Variants in TRPC7 observed in about 807,000 individuals in gnomAD.
The protein encoded by TRPC7 is transient receptor potential cation channel subfamily C member 7, also known as short transient receptor potential channel 7.
Under a neutral mutation model 90.1 loss-of-function variants are expected in TRPC7, and 42 were observed. The observed-to-expected ratio is 0.47, with a 90% confidence interval of 0.36 to 0.60. The LOEUF (loss-of-function observed/expected upper bound fraction) is 0.60. Among genes scored for constraint, TRPC7 ranks in the 20% least tolerant of loss-of-function variants. The pLI, the probability that TRPC7 is intolerant of heterozygous loss-of-function variation, is 0.00. For missense variants in TRPC7, 955 were observed against 1,112.3 expected, an observed-to-expected ratio of 0.86 and a Z score of 2.01; for synonymous variants, 451 against 436.3, an observed-to-expected ratio of 1.03 and a Z score of -0.42.
chr5:136,228,977 C>T (rs1053479295), intron 8 of TRPC7, among the ~76,000 whole-genome samples: 4 of 152,188 alleles, frequency 2.6e-5, no homozygotes, highest in Admixed American at 2.0e-4. Context: ...TGCAAGGCTT[C>T]CCATGCTACT....
At chr5:136,349,419 G>A (rs576237383) in intron 2 of TRPC7, among the ~76,000 whole-genome samples, 1 of 152,134 alleles carries the variant, frequency 6.6e-6, no homozygotes, top group Non-Finnish European at 1.5e-5. Context: ...GAAAAGTTGT[G>A]GTGCTGAAGA....
intron 2 of TRPC7, among the ~76,000 whole-genome samples, chr5:136,355,327 T>C (rs1474597770): frequency 6.6e-6 from 1 of 152,150 alleles, no homozygotes; most frequent in Non-Finnish European, 1.5e-5. Context: ...GGGGTCTGAG[T>C]GCTTAGATTA....
chr5:136,214,853 T>C (rs1755212204), intron 11 of TRPC7, among the ~76,000 whole-genome samples: 1 of 152,206 alleles, frequency 6.6e-6, no homozygotes, highest in Non-Finnish European at 1.5e-5. Context: ...TGAGGCTGTT[T>C]CTAGGTGGCA....
intron 7 of TRPC7, among the ~76,000 whole-genome samples, chr5:136,246,602 A>T (rs1319070192): frequency 6.6e-6 from 1 of 152,022 alleles, no homozygotes; most frequent in Non-Finnish European, 1.5e-5. Flanking sequence ...TTCACTTCAC[A>T]CACCTCTCAT....
Position 136,247,040 on chromosome 5 carries a change from A to G in TRPC7, c.1844+431T>C, listed in dbSNP as rs1436061476. ...CCCCCAAAGTTTACCACCACAAAAT[A>G]TCTCGCTTTTATTATTATTTTCACA... On this transcript the variant is annotated intron_variant, in intron 7 of 11. Coordinates refer to ENST00000513104, the MANE Select transcript of TRPC7 (RefSeq NM_020389.3). This position sits in a 1 kb window ranked among gnomAD's most constrained non-coding sequence, Gnocchi z 4.2. 3.9e-5 allele frequency among the ~76,000 whole-genome samples: 6 copies of G among 152,158 alleles called. No homozygotes were observed. Among genetic ancestry groups the G allele is most frequent in the Non-Finnish European group, 8.8e-5 (6 of 68,022 alleles).
intron 8 of TRPC7, among the ~76,000 whole-genome samples, chr5:136,230,161 A>G (rs1173373430): frequency 6.6e-6 from 1 of 152,224 alleles, no homozygotes; most frequent in Non-Finnish European, 1.5e-5. Flanking sequence ...ACGAACATCT[A>G]CGTAAAATGA....
chr5:136,214,518 A>G (rs1202135943), intron 11 of TRPC7: 1 of 152,202 alleles, frequency 6.6e-6, no homozygotes, highest in Non-Finnish European at 1.5e-5. Flanking sequence ...CAGATGCTTC[A>G]CTGAGCCCCC....
At chr5:136,245,162 C>T (rs1339887532) in intron 7 of TRPC7, among the ~76,000 whole-genome samples, 1 of 152,158 alleles carries the variant, frequency 6.6e-6, no homozygotes, top group South Asian at 2.1e-4. Flanking sequence ...AGTAAGAGGC[C>T]GAGCTCAGAC....
Position 136,247,797 on chromosome 5 carries a change from G to A in TRPC7, c.1580-62C>T, listed in dbSNP as rs931222752. The A allele has an allele frequency of 7.3e-5, 113 of 1,548,882 alleles. No homozygotes were observed. Among genetic ancestry groups the A allele is most frequent in the Non-Finnish European group, 9.3e-5 (107 of 1,147,140 alleles). The stretch of plus-strand genomic sequence containing the variant: ...AGGATCTATTCTAGAAGAGAAACCA[G>A]TTAGGCATCTTTAGAGGTCTCCAAC... On this transcript the variant is annotated intron_variant, in intron 6 of 11. Coordinates refer to ENST00000513104, the MANE Select transcript of TRPC7 (RefSeq NM_020389.3). This position sits in a 1 kb window ranked among gnomAD's most constrained non-coding sequence, Gnocchi z 4.2.
At chr5:136,270,360 G>A (rs147978945) in intron 4 of TRPC7, among the ~76,000 whole-genome samples, 233 of 152,294 alleles carry the variant, frequency 1.5e-3, no homozygotes, top group African/African-American at 5.3e-3. Flanking sequence ...TAGGGTCAAT[G>A]TAAGCAATGC....
intron 3 of TRPC7, among the ~76,000 whole-genome samples, chr5:136,286,787 T>G (rs1265810205): frequency 1.3e-5 from 2 of 152,182 alleles, no homozygotes; most frequent in Non-Finnish European, 2.9e-5. Flanking sequence ...TCCATGGGAC[T>G]GTGGGGCAAG....
At chr5:136,302,439 A>G (rs898725047) in intron 3 of TRPC7, among the ~76,000 whole-genome samples, 1 of 151,914 alleles carries the variant, frequency 6.6e-6, no homozygotes, top group Admixed American at 6.5e-5. Context: ...AAGAACCCCC[A>G]ATCCCTTATT....
chr5:136,284,299 G>A (rs1431507504), intron 3 of TRPC7, among the ~76,000 whole-genome samples: 1 of 152,188 alleles, frequency 6.6e-6, no homozygotes, highest in Non-Finnish European at 1.5e-5. Flanking sequence ...TGATATGTGT[G>A]TATGTGCACA....
intron 10 of TRPC7, among the ~76,000 whole-genome samples, chr5:136,220,048 C>A (rs922025249): frequency 1.3e-5 from 2 of 152,228 alleles, no homozygotes; most frequent in African/African-American, 4.8e-5. Context: ...TTAACAATTT[C>A]TTACACTTGT....
chr5:136,318,515 A>ATAT (rs554446092), intron 2 of TRPC7, among the ~76,000 whole-genome samples: 42 of 152,124 alleles, frequency 2.8e-4, no homozygotes, highest in Non-Finnish European at 5.6e-4. Context: ...CCTTCCTTGG[A>ATAT]TATTTAGCCT....
intron 3 of TRPC7, among the ~76,000 whole-genome samples, chr5:136,275,052 A>G (rs1041776928): frequency 6.6e-6 from 1 of 152,126 alleles, no homozygotes; most frequent in Non-Finnish European, 1.5e-5. Context: ...AGTCCTTGCA[A>G]GACTGGCTGA....
intron 2 of TRPC7, among the ~76,000 whole-genome samples, chr5:136,332,309 G>A (rs138284755): frequency 6.6e-6 from 1 of 152,206 alleles, no homozygotes; most frequent in Non-Finnish European, 1.5e-5. Flanking sequence ...TGAGGCTAAG[G>A]GAGCAGCAGG....
chr5:136,290,106 A>G lies in TRPC7; in HGVS notation c.964-15269T>C, dbSNP rs548343884. ...CCTGACTGTTAGAAGGAAAACTAAC[A>G]AACAGAAAGGACATCCACACCAAAA... On this transcript the variant is annotated intron_variant, in intron 3 of 11. Coordinates refer to ENST00000513104, the MANE Select transcript of TRPC7 (RefSeq NM_020389.3). Among the ~76,000 whole-genome samples, 514 of 152,312 alleles carry G rather than the reference A, an allele frequency of 3.4e-3. 5 individuals carry two copies. The highest frequency in any genetic ancestry group is 0.012 in the African/African-American group (481 of 41,562).
intron 2 of TRPC7, among the ~76,000 whole-genome samples, chr5:136,335,677 G>A (rs930628259): frequency 1.2e-4 from 18 of 151,850 alleles, no homozygotes; most frequent in African/African-American, 4.1e-4. Context: ...GCCGAGACGG[G>A]CAGATCACGA....
Sources: allele counts gnomAD v4.1 joint callset (sites outside exome capture counted in the v4.1 genomes callset), GRCh38; gene constraint gnomAD v4.1.1; non-coding constraint Gnocchi (gnomAD v3.1); transcripts MANE v1.5; gene names NCBI Gene and HGNC (gene_info 2026-07-23, HGNC 2026-07-21).